Variants in EYS observed in about 807,000 individuals in gnomAD.
The protein encoded by EYS is EGF-like photoreceptor maintenance factor.
In EYS, 250 loss-of-function variants were observed where a neutral mutation model predicts 282.1. That is an observed-to-expected ratio of 0.89 (90% CI 0.80 to 0.98). The LOEUF (loss-of-function observed/expected upper bound fraction) is 0.98. EYS is among the 50% of genes least tolerant of loss of function. The pLI is 0.00. For missense variants in EYS, 4,016 were observed against 3,709.0 expected, an observed-to-expected ratio of 1.08 and a Z score of -2.15; for synonymous variants, 1,355 against 1,282.9, an observed-to-expected ratio of 1.06 and a Z score of -1.20.
At chr6:65,309,309 G>A (rs1769092859) in intron 11 of EYS, among the ~76,000 whole-genome samples, 1 of 152,104 alleles carries the variant, frequency 6.6e-6, no homozygotes, top group Non-Finnish European at 1.5e-5. Flanking sequence ...AAGTTTGCAG[G>A]CCTCTGAAAT....
At chr6:64,147,505 C>T (rs1774559604) in intron 31 of EYS, among the ~76,000 whole-genome samples, 1 of 152,138 alleles carries the variant, frequency 6.6e-6, no homozygotes, top group South Asian at 2.1e-4. Flanking sequence ...CCATGCCAGG[C>T]ACTGTGGCAC....
chr6:64,448,799 A>C lies in EYS; in HGVS notation c.5645-9447T>G, dbSNP rs183175886. ...AACAGACCTGCAGCTGAGGGTCCTC[A>C]CTGTTAGAAGGAAAACTAACAAACA... On this transcript the variant is annotated intron_variant, in intron 26 of 42. Coordinates refer to ENST00000503581, the MANE Select transcript of EYS (RefSeq NM_001142800.2). 8.5e-5 allele frequency among the ~76,000 whole-genome samples: 13 copies of C among 152,328 alleles called. No homozygotes were observed. The East Asian group carries it at 2.5e-3, about 29-fold the overall frequency.
At chr6:64,436,984 A>G (rs1774772773) in intron 27 of EYS, among the ~76,000 whole-genome samples, 1 of 151,756 alleles carries the variant, frequency 6.6e-6, no homozygotes, top group Non-Finnish European at 1.5e-5. Flanking sequence ...GTGTTAAGAA[A>G]CTCACTTGCA....
chr6:64,494,124 A>G (rs1481623506), intron 26 of EYS, among the ~76,000 whole-genome samples: 1 of 151,604 alleles, frequency 6.6e-6, no homozygotes, highest in East Asian at 1.9e-4. Context: ...TATGTGTAAA[A>G]TTCAACTTCT....
intron 26 of EYS, among the ~76,000 whole-genome samples, chr6:64,514,455 T>C (rs1198592575): frequency 1.3e-5 from 2 of 151,828 alleles, no homozygotes; most frequent in African/African-American, 4.8e-5. Context: ...AGCCGGGCCA[T>C]GGCCTTGTGA....
chr6:65,434,589 G>A (rs1214612758), intron 5 of EYS, among the ~76,000 whole-genome samples: 1 of 152,144 alleles, frequency 6.6e-6, no homozygotes, highest in Non-Finnish European at 1.5e-5. Flanking sequence ...AAAGTGTTGA[G>A]ATTACAGGCA....
intron 31 of EYS, among the ~76,000 whole-genome samples, chr6:64,095,373 T>A (rs571581344): frequency 6.6e-6 from 1 of 152,106 alleles, no homozygotes; most frequent in South Asian, 2.1e-4. Context: ...CTCCCATTAT[T>A]ATTGTGTGGT....
chr6:64,493,552 C>A (rs1486029132), intron 26 of EYS, among the ~76,000 whole-genome samples: 2 of 151,526 alleles, frequency 1.3e-5, no homozygotes, highest in African/African-American at 4.8e-5. Flanking sequence ...TAACCTCCTG[C>A]AGTCTTTCTA....
chr6:65,342,315 C>T (rs1410806180), intron 10 of EYS, among the ~76,000 whole-genome samples: 5 of 150,814 alleles, frequency 3.3e-5, no homozygotes, highest in South Asian at 2.1e-4. Context: ...TTGATATAAT[C>T]GAAATTTTAA....
At chr6:64,265,152 T>C (rs1189239654) in intron 30 of EYS, among the ~76,000 whole-genome samples, 1 of 152,104 alleles carries the variant, frequency 6.6e-6, no homozygotes, top group Non-Finnish European at 1.5e-5. Context: ...TTTTATTACC[T>C]CCGAAAATGT....
chr6:63,983,535 T>A (rs1038153819), intron 35 of EYS, among the ~76,000 whole-genome samples: 1 of 151,786 alleles, frequency 6.6e-6, no homozygotes, highest in African/African-American at 2.4e-5. Context: ...TTCTCTCTTT[T>A]CTACACTGTG....
chr6:64,170,221 C>G (rs1335335604), intron 31 of EYS, among the ~76,000 whole-genome samples: 1 of 151,896 alleles, frequency 6.6e-6, no homozygotes, highest in Non-Finnish European at 1.5e-5. Flanking sequence ...AATAAATAGC[C>G]ACTAACAGAA....
At chr6:65,634,293 C>G (rs953383471) in intron 2 of EYS, among the ~76,000 whole-genome samples, 6 of 152,092 alleles carry the variant, frequency 3.9e-5, no homozygotes, top group Admixed American at 3.9e-4. Flanking sequence ...AAAGGATTCT[C>G]TACATATGAA....
At chr6:64,583,073 C>T (rs1182598075) in intron 26 of EYS, among the ~76,000 whole-genome samples, 1 of 152,082 alleles carries the variant, frequency 6.6e-6, no homozygotes, top group African/African-American at 2.4e-5. Context: ...TTCTGTCTTC[C>T]ATGCAAATAC....
At chr6:63,759,337 A>T (rs1053158149) in intron 41 of EYS, among the ~76,000 whole-genome samples, 3 of 152,092 alleles carry the variant, frequency 2.0e-5, no homozygotes, top group Admixed American at 1.3e-4. Context: ...CCAATGTCTA[A>T]GGTTAGAAAT....
At chr6:64,868,739 C>A (rs930198057) in intron 19 of EYS, among the ~76,000 whole-genome samples, 8 of 151,446 alleles carry the variant, frequency 5.3e-5, no homozygotes, top group Admixed American at 2.0e-4. Flanking sequence ...AACATTTTGT[C>A]ATTTCATTAC....
chr6:64,751,083 C>T (rs1055053344), intron 22 of EYS, among the ~76,000 whole-genome samples: 2 of 151,924 alleles, frequency 1.3e-5, no homozygotes, highest in Non-Finnish European at 2.9e-5. Flanking sequence ...CTGGGCATAT[C>T]TCCTGGCTTT....
intron 2 of EYS, among the ~76,000 whole-genome samples, chr6:65,520,239 A>G (rs1367059233): frequency 6.6e-6 from 1 of 152,152 alleles, no homozygotes; most frequent in African/African-American, 2.4e-5. Context: ...TGGCCACTGT[A>G]CTTTTTGATA....
At chr6:63,849,565 A>T (rs553000256) in intron 36 of EYS, among the ~76,000 whole-genome samples, 2 of 152,326 alleles carry the variant, frequency 1.3e-5, no homozygotes, top group South Asian at 4.2e-4. Flanking sequence ...AAACCGCAGC[A>T]GACCTGCAGA....
Sources: gnomAD v4.1 joint callset for allele counts (sites outside exome capture counted in the v4.1 genomes callset) on GRCh38, gnomAD v4.1.1 for gene constraint, MANE v1.5 for transcripts, NCBI Gene and HGNC (gene_info 2026-07-23, HGNC 2026-07-21) for gene names.